The following RAD51B variants were observed in gnomAD, a reference collection of about 807,000 sequenced individuals.
The protein encoded by RAD51B is DNA repair protein RAD51 homolog 2.
Under a neutral mutation model 42.2 loss-of-function variants are expected in RAD51B, and 38 were observed. The ratio of observed to expected loss-of-function variants is 0.90; its 90% CI spans 0.70 to 1.18. RAD51B has a LOEUF of 1.18. Ranked by LOEUF, RAD51B falls within the 50% of genes most tolerant of loss-of-function variation. The pLI is 0.00. For synonymous variants in RAD51B, 154 were observed against 145.2 expected (o/e 1.06, Z -0.43); for missense variants, 373 against 400.7 (o/e 0.93, Z 0.59).
chr14:68,436,688 T>C (rs2085157282), intron 9 of RAD51B, among the ~76,000 whole-genome samples: 1 of 152,204 alleles, frequency 6.6e-6, no homozygotes, highest in African/African-American at 2.4e-5. Flanking sequence ...TCCTCTCTGA[T>C]TTCTTTTAGC....
At chr14:68,586,012 G>C (rs772402965) in intron 10 of RAD51B, among the ~76,000 whole-genome samples, 20 of 152,154 alleles carry the variant, frequency 1.3e-4, no homozygotes, top group Admixed American at 1.3e-4. Flanking sequence ...TCCACGGCAC[G>C]TTACGCTTTG....
intron 7 of RAD51B, among the ~76,000 whole-genome samples, chr14:68,270,238 T>C (rs2081078919): frequency 6.6e-6 from 1 of 152,208 alleles, no homozygotes; most frequent in Non-Finnish European, 1.5e-5. Context: ...ATATGGCCAA[T>C]AAAATTTGTT....
chr14:68,414,423 C>T (rs1246789689), intron 9 of RAD51B, among the ~76,000 whole-genome samples: 1 of 152,110 alleles, frequency 6.6e-6, no homozygotes, highest in Non-Finnish European at 1.5e-5. Context: ...TTACCAAAGA[C>T]ATGTTCTTAG....
At chr14:68,589,856 C>G (rs1446644797) in intron 10 of RAD51B, among the ~76,000 whole-genome samples, 1 of 152,126 alleles carries the variant, frequency 6.6e-6, no homozygotes, top group African/African-American at 2.4e-5. Context: ...TTTTCCCCCC[C>G]ATTTTCAGTT....
chr14:68,163,584 G>T (rs768984144), intron 7 of RAD51B, among the ~76,000 whole-genome samples: 1 of 151,632 alleles, frequency 6.6e-6, no homozygotes, highest in Admixed American at 6.6e-5. Context: ...CTCTCTTTCC[G>T]CTCCCATATT....
At chr14:68,602,439 C>T (rs1891255908) in intron 10 of RAD51B, among the ~76,000 whole-genome samples, 2 of 151,914 alleles carry the variant, frequency 1.3e-5, no homozygotes, top group Admixed American at 1.3e-4. Context: ...TCCAGAGAAA[C>T]AGAACCAACA....
chr14:68,586,079 C>G (rs960964766), intron 10 of RAD51B, among the ~76,000 whole-genome samples: 4 of 142,032 alleles, frequency 2.8e-5, no homozygotes, highest in Non-Finnish European at 6.0e-5. Flanking sequence ...TTACCCCCAT[C>G]ACCTCCTAGC....
intron 5 of RAD51B, among the ~76,000 whole-genome samples, chr14:67,876,802 GA>G (rs1307328801): frequency 2.0e-5 from 3 of 152,124 alleles, no homozygotes; most frequent in Admixed American, 6.6e-5. Flanking sequence ...TATGGAAGGG[GA>G]AGTTGGGAAG....
At chr14:68,141,971 G>A (rs1198425769) in intron 7 of RAD51B, among the ~76,000 whole-genome samples, 2 of 152,038 alleles carry the variant, frequency 1.3e-5, no homozygotes, top group Non-Finnish European at 2.9e-5. Flanking sequence ...CCATTCATAT[G>A]TTGGTTTCCC....
chr14:68,624,212 G>T (rs1178333343), intron 10 of RAD51B, among the ~76,000 whole-genome samples: 1 of 152,192 alleles, frequency 6.6e-6, no homozygotes, highest in Non-Finnish European at 1.5e-5. Context: ...TGTTTGATGG[G>T]TGTAGAACCA....
At chr14:67,894,310 T>C (rs1288806269) in intron 7 of RAD51B, among the ~76,000 whole-genome samples, 2 of 152,236 alleles carry the variant, frequency 1.3e-5, no homozygotes, top group African/African-American at 4.8e-5. Context: ...GGAAGAATCA[T>C]GTCTTATTCA....
intron 8 of RAD51B, among the ~76,000 whole-genome samples, chr14:68,295,171 G>A (rs17105354): frequency 0.014 from 2,201 of 152,268 alleles, 49 homozygotes; most frequent in African/African-American, 0.049. Flanking sequence ...GAGCAATGCC[G>A]GGAAAGTCCT....
chr14:68,563,592 T>C, intron 10 of RAD51B: 1 of 985,454 alleles, frequency 1.0e-6, no homozygotes, highest in Non-Finnish European at 1.2e-6. Context: ...GCACCTTCTG[T>C]GGTTTCCTGA....
intron 10 of RAD51B, among the ~76,000 whole-genome samples, chr14:68,522,145 T>C (rs1886626919): frequency 6.6e-6 from 1 of 152,174 alleles, no homozygotes. Context: ...TGCCCTCCCT[T>C]GGGTTTGCTG....
At chr14:68,008,722 G>A (rs1021164501) in intron 7 of RAD51B, among the ~76,000 whole-genome samples, 1 of 151,988 alleles carries the variant, frequency 6.6e-6, no homozygotes, top group African/African-American at 2.4e-5. Context: ...CTAAGTGATA[G>A]GAAGCAGTGT....
At chr14:67,984,122 A>G (rs2075143036) in intron 7 of RAD51B, among the ~76,000 whole-genome samples, 1 of 152,076 alleles carries the variant, frequency 6.6e-6, no homozygotes, top group Admixed American at 6.5e-5. Flanking sequence ...TATTGTTAGT[A>G]GAGACAGGGT....
chr14:68,627,190 C>G (rs1892104713), intron 10 of RAD51B: 1 of 152,174 alleles, frequency 6.6e-6, no homozygotes, highest in African/African-American at 2.4e-5. Context: ...TTTATCTGCC[C>G]TTGCTGCAGT....
intron 8 of RAD51B, among the ~76,000 whole-genome samples, chr14:68,390,671 G>T (rs1388879581): frequency 2.0e-5 from 3 of 152,200 alleles, no homozygotes; most frequent in Non-Finnish European, 2.9e-5. Flanking sequence ...ACAATAGTAG[G>T]ATATTTAAGA....
chr14:68,359,926 C>T (rs2082989065), intron 8 of RAD51B, among the ~76,000 whole-genome samples: 1 of 152,186 alleles, frequency 6.6e-6, no homozygotes, highest in Non-Finnish European at 1.5e-5. Context: ...GTACTTTCCA[C>T]TTGTTTGCTT....
Sources: gnomAD v4.1 joint callset for allele counts (sites outside exome capture counted in the v4.1 genomes callset) on GRCh38, gnomAD v4.1.1 for gene constraint, MANE v1.5 for transcripts, NCBI Gene and HGNC (gene_info 2026-07-23, HGNC 2026-07-21) for gene names.